Variants in WWC2 observed in about 807,000 individuals in gnomAD.
WWC2 encodes the protein protein WWC2.
WWC2 carries 101 observed loss-of-function variants against 138.5 expected under a neutral mutation model. That is an observed-to-expected ratio of 0.73 (90% CI 0.62 to 0.86). WWC2 has a LOEUF of 0.86. WWC2 is among the 40% of genes least tolerant of loss of function. WWC2 has a pLI of 0.00. For missense variants in WWC2, 1,420 were observed against 1,419.4 expected (o/e 1.00, Z -0.01); for synonymous variants, 558 against 538.4 (o/e 1.04, Z -0.50).
chr4:183,226,090 CTTTTCT>C (rs1467551959), intron 4 of WWC2, among the ~76,000 whole-genome samples: 6,953 of 138,200 alleles, frequency 0.05, 491 homozygotes, highest in African/African-American at 0.19. Flanking sequence ...CTTTTCTTTT[CTTTTCT>C]TTTTTTTTTT....
In WWC2 at chr4:183,312,460, G is replaced by A; in HGVS notation, c.3504G>A (p.Gln1168=). 1 of 1,613,662 alleles carries A rather than the reference G, an allele frequency of 6.2e-7. No homozygotes were observed. The highest frequency in any genetic ancestry group is 8.5e-7 in the Non-Finnish European group (1 of 1,179,688). The change falls in exon 22 of 23, where the codon CAG becomes CAA. Residue 1168 remains glutamine (Q), a synonymous_variant. Transcript: ENST00000403733. ...GCCAGAAGGTGCCTCGGCAGGTGCA[G>A]TCCTTCAGGTGAATAGCCCCATCCA... The part of the protein sequence containing the change: ...EQSQKVPRQV[Q]SFREKIAYFT...
intron 4 of WWC2, among the ~76,000 whole-genome samples, chr4:183,231,908 A>G (rs959900845): frequency 6.6e-6 from 1 of 152,188 alleles, no homozygotes; most frequent in South Asian, 2.1e-4. Flanking sequence ...TGATGAAGAA[A>G]TCAGTCAGGT....
At chr4:183,216,706 G>A (rs1312538789) in intron 4 of WWC2, among the ~76,000 whole-genome samples, 34 of 152,190 alleles carry the variant, frequency 2.2e-4, no homozygotes, top group Admixed American at 2.1e-3. Flanking sequence ...TGGTGTGCAT[G>A]AGTTGATGAG....
intron 1 of WWC2, among the ~76,000 whole-genome samples, chr4:183,189,391 C>T (rs993495683): frequency 7.3e-5 from 11 of 150,786 alleles, no homozygotes; most frequent in Non-Finnish European, 1.5e-4. Flanking sequence ...GAGCCGAGAT[C>T]GCGCCACTGC....
chr4:183,261,297 A>G lies in WWC2; in HGVS notation c.1674A>G (p.Pro558=). Residue 558 remains proline (P), a synonymous_variant, in exon 11 of 23, where the codon CCA becomes CCG. Transcript: ENST00000403733. ...CCTCCCTTTCCTCCTTGTCTCCTCC[A>G]GGCTCTCCCTTGGTTTTGGAAGGCA... ...SRSSLSSLSP[P]GSPLVLEGTF... The G allele has an allele frequency of 6.2e-7, 1 of 1,613,478 alleles. No homozygotes were observed. The highest frequency in any genetic ancestry group is 2.2e-5 in the East Asian group (1 of 44,862).
chr4:183,143,571 G>T (rs1368772793), intron 1 of WWC2, among the ~76,000 whole-genome samples: 1 of 152,158 alleles, frequency 6.6e-6, no homozygotes, highest in Middle Eastern at 3.2e-3. Flanking sequence ...ACTTTGGGAG[G>T]CTGAGGAGGG....
intron 4 of WWC2, among the ~76,000 whole-genome samples, chr4:183,219,779 A>C (rs182159646): frequency 6.6e-6 from 1 of 152,338 alleles, no homozygotes; most frequent in Admixed American, 6.5e-5. Flanking sequence ...AGGTATAGTA[A>C]GCAGAATTCT....
chr4:183,286,990 G>A (rs928374930), intron 20 of WWC2, among the ~76,000 whole-genome samples: 4 of 152,274 alleles, frequency 2.6e-5, no homozygotes, highest in South Asian at 4.1e-4. Flanking sequence ...GGTAGGTGGC[G>A]TAAAATGATA....
At position 183,169,143 on chromosome 4, in the gene WWC2, C is replaced by T. The variant is rs1734206145; in HGVS notation, c.132-24456C>T. ...GATTGCAGGCGTGAACCACCACGCC[C>T]AGCCTCTAAAATTTATATGTGCATA... On this transcript the variant is annotated intron_variant, in intron 1 of 22. Coordinates refer to ENST00000403733, the MANE Select transcript of WWC2 (RefSeq NM_024949.6). Among the ~76,000 whole-genome samples the T allele has an allele frequency of 2.0e-5, 3 of 152,228 alleles. No individual in the cohort carries two copies. In the South Asian group the frequency reaches 6.2e-4, roughly 32 times the overall value.
intron 1 of WWC2, among the ~76,000 whole-genome samples, chr4:183,161,748 G>A (rs1269331161): frequency 6.6e-6 from 1 of 152,180 alleles, no homozygotes; most frequent in Non-Finnish European, 1.5e-5. Flanking sequence ...GGAGCGAAAG[G>A]CCTTTCCATA....
Position 183,240,379 on chromosome 4 carries a change from G to C in WWC2, c.602+117G>C. The C allele has an allele frequency of 1.1e-5, 7 of 654,556 alleles. No individual in the cohort carries two copies. In the South Asian group the frequency reaches 1.6e-4, roughly 15 times the overall value. 40.5% of individuals were successfully genotyped at this position (654,556 alleles called of 1,614,324 possible). ...TCTTAAAGAAACGTAAAGTAAAAAA[G>C]TTCAGAGCTCTACACCAAAAGAAAA... On this transcript the variant is annotated intron_variant, in intron 5 of 22. Transcript: ENST00000403733.
chr4:183,269,473 G>T (rs1315424666), intron 15 of WWC2: 2 of 533,746 alleles, frequency 3.7e-6, no homozygotes, highest in Non-Finnish European at 7.4e-6. Flanking sequence ...ACCACTCCCA[G>T]TACCAATGCC....
intron 4 of WWC2, 113 bp downstream of exon 4, chr4:183,209,138 C>T: frequency 1.4e-6 from 1 of 693,292 alleles, no homozygotes. Context: ...AAAACTCCTC[C>T]CCTTATCTCT....
intron 1 of WWC2, among the ~76,000 whole-genome samples, chr4:183,119,841 G>A (rs538651408): frequency 1.2e-4 from 18 of 152,154 alleles, no homozygotes; most frequent in African/African-American, 3.6e-4. Flanking sequence ...TTAGTACTAC[G>A]TTCATTTTCT....
chr4:183,265,638 C>T (rs1454951760), intron 12 of WWC2, 50 bp from the exon 13 acceptor site: 1 of 1,532,512 alleles, frequency 6.5e-7, no homozygotes, highest in African/African-American at 1.4e-5. Context: ...TTAACCATAA[C>T]AATCGATAAC....
intron 22 of WWC2, 48 bp from the exon 23 acceptor site, chr4:183,315,615 A>AC: frequency 2.0e-6 from 3 of 1,496,420 alleles, no homozygotes; most frequent in Non-Finnish European, 2.8e-6. Context: ...GTCCCAGAGT[A>AC]TTTTTAGCAT....
chr4:183,286,858 G>C (rs1039021530), intron 20 of WWC2, among the ~76,000 whole-genome samples: 2 of 152,168 alleles, frequency 1.3e-5, no homozygotes, highest in African/African-American at 4.8e-5. Context: ...TAGCCCATCT[G>C]ATTGAGAGTC....
chr4:183,106,033 G>T (rs1239517402), intron 1 of WWC2, among the ~76,000 whole-genome samples: 1 of 151,662 alleles, frequency 6.6e-6, no homozygotes, highest in Non-Finnish European at 1.5e-5. Flanking sequence ...AGGCTGGGGT[G>T]CAGTGGTGTG....
chr4:183,137,037 G>C (rs1733138676), intron 1 of WWC2, among the ~76,000 whole-genome samples: 1 of 152,122 alleles, frequency 6.6e-6, no homozygotes. Context: ...AAAAAGTACT[G>C]TTTAGGGCCC....
Sources: allele counts gnomAD v4.1 joint callset (sites outside exome capture counted in the v4.1 genomes callset), GRCh38; gene constraint gnomAD v4.1.1; transcripts MANE v1.5; gene names NCBI Gene and HGNC (gene_info 2026-07-23, HGNC 2026-07-21).